Variants in CHST8 observed in about 807,000 individuals in gnomAD.
CHST8 encodes the protein GALNAC-4-ST1.
Under a neutral mutation model 15.0 loss-of-function variants are expected in CHST8, and 10 were observed. That is an observed-to-expected ratio of 0.67 (90% CI 0.41 to 1.13). The LOEUF (loss-of-function observed/expected upper bound fraction) is 1.13, where lower values mean the gene tolerates loss of function less well. Ranked by LOEUF, CHST8 falls within the 50% of genes most tolerant of loss-of-function variation. CHST8 has a pLI of 0.00. For missense variants in CHST8, 634 were observed against 608.2 expected (o/e 1.04, Z -0.45); for synonymous variants, 259 against 256.6 (o/e 1.01, Z -0.09).
At chr19:33,710,372 CT>C (rs1351635215) in intron 3 of CHST8, among the ~76,000 whole-genome samples, 2 of 151,650 alleles carry the variant, frequency 1.3e-5, no homozygotes. Flanking sequence ...TTAGTTTGTC[CT>C]TTTTTCCTCT....
At chr19:33,703,473 A>G (rs1044566117) in intron 3 of CHST8, among the ~76,000 whole-genome samples, 3 of 152,240 alleles carry the variant, frequency 2.0e-5, no homozygotes, top group Non-Finnish European at 4.4e-5. Flanking sequence ...TGAAAAAGTT[A>G]CGGTGGTAGT....
chr19:33,673,507 G>A (rs1972769705), intron 2 of CHST8, among the ~76,000 whole-genome samples: 1 of 152,178 alleles, frequency 6.6e-6, no homozygotes, highest in Non-Finnish European at 1.5e-5. Context: ...CCCACCCCCA[G>A]TTCTGAGGCT....
chr19:33,705,653 GGCA>G (rs1204381860), intron 3 of CHST8, among the ~76,000 whole-genome samples: 1 of 152,140 alleles, frequency 6.6e-6, no homozygotes, highest in South Asian at 2.1e-4. Context: ...TTTCTGACTT[GGCA>G]GCCTGCTTCC....
At chr19:33,708,256 G>A (rs992316185) in intron 3 of CHST8, among the ~76,000 whole-genome samples, 3 of 152,156 alleles carry the variant, frequency 2.0e-5, no homozygotes, top group African/African-American at 7.2e-5. Context: ...AATTCAACAT[G>A]TTTTTCGTTG....
chr19:33,722,426 A>G (rs1259486258), intron 3 of CHST8, among the ~76,000 whole-genome samples: 1 of 152,112 alleles, frequency 6.6e-6, no homozygotes, highest in Non-Finnish European at 1.5e-5. Flanking sequence ...AGGGGAGGCA[A>G]AGATTTGTTG....
At chr19:33,696,710 A>G (rs1653414019) in intron 3 of CHST8, among the ~76,000 whole-genome samples, 1 of 152,096 alleles carries the variant, frequency 6.6e-6, no homozygotes, top group African/African-American at 2.4e-5. Context: ...CCTGGTGCCA[A>G]AAATGTTGGG....
Position 33,629,691 on chromosome 19 carries a change from C to A in CHST8, c.-164+7395C>A, listed in dbSNP as rs190501858. ...CCGAGCTGCAGGCAACAGCCCAGGT[C>A]GCTGTCACCTTGTCCTCACTGTCTG... On this transcript the variant is annotated intron_variant, in intron 1 of 4. Transcript: ENST00000650847. Among the ~76,000 whole-genome samples the A allele has an allele frequency of 2.4e-4, 36 of 152,380 alleles. 1 individual carries two copies. The Middle Eastern group carries it at 0.01, about 43-fold the overall frequency.
intron 3 of CHST8, among the ~76,000 whole-genome samples, chr19:33,713,813 G>A (rs550480955): frequency 6.6e-6 from 1 of 152,124 alleles, no homozygotes; most frequent in African/African-American, 2.4e-5. Context: ...ACCCGCCTTG[G>A]CCTCCTAGTG....
intron 3 of CHST8, among the ~76,000 whole-genome samples, chr19:33,751,741 C>A (rs560838026): frequency 2.0e-5 from 3 of 152,208 alleles, no homozygotes; most frequent in Admixed American, 6.5e-5. Flanking sequence ...TGAGGGTGAC[C>A]CACTTAACCT....
intron 3 of CHST8, among the ~76,000 whole-genome samples, chr19:33,767,460 C>A (rs1483460039): frequency 2.0e-5 from 3 of 152,250 alleles, no homozygotes; most frequent in Non-Finnish European, 4.4e-5. Context: ...GTCTCTGCCT[C>A]TCCTCAATCA....
chr19:33,681,569 G>A (rs1310254109), intron 2 of CHST8, among the ~76,000 whole-genome samples: 2 of 152,196 alleles, frequency 1.3e-5, no homozygotes, highest in Non-Finnish European at 2.9e-5. Flanking sequence ...GGGTGCCCTT[G>A]ACTGAAGCCT....
chr19:33,647,644 G>A (rs897954072), intron 1 of CHST8, among the ~76,000 whole-genome samples: 2 of 151,912 alleles, frequency 1.3e-5, no homozygotes, highest in Non-Finnish European at 2.9e-5. Context: ...ACAGGAGTTC[G>A]AGACCAGCCT....
At chr19:33,719,768 G>A (rs1973745606) in intron 3 of CHST8, among the ~76,000 whole-genome samples, 1 of 151,136 alleles carries the variant, frequency 6.6e-6, no homozygotes, top group South Asian at 2.1e-4. Context: ...AAAATCACAT[G>A]CAGTCGGACC....
At chr19:33,680,588 C>T (rs1357963772) in intron 2 of CHST8, among the ~76,000 whole-genome samples, 1 of 152,182 alleles carries the variant, frequency 6.6e-6, no homozygotes, top group African/African-American at 2.4e-5. Context: ...CATAAAAGAG[C>T]TGGAAATATG....
At chr19:33,682,318 G>A (rs1972904765) in intron 2 of CHST8, among the ~76,000 whole-genome samples, 1 of 151,372 alleles carries the variant, frequency 6.6e-6, no homozygotes, top group South Asian at 2.1e-4. Flanking sequence ...TGGAAAACAG[G>A]CATGCACTAC....
At chr19:33,771,909 G>A in intron 4 of CHST8, 48 bp from the exon 5 acceptor site, 1 of 1,520,336 alleles carries the variant, frequency 6.6e-7, no homozygotes, top group Non-Finnish European at 8.8e-7. Flanking sequence ...GGCCCTCAGT[G>A]CCCAGCTGTC....
At chr19:33,715,095 T>G (rs185924443) in intron 3 of CHST8, among the ~76,000 whole-genome samples, 7 of 152,350 alleles carry the variant, frequency 4.6e-5, no homozygotes, top group African/African-American at 1.7e-4. Flanking sequence ...ATTTGCCCTG[T>G]TGCCCTCCAA....
At chr19:33,762,866 T>C (rs1483935278) in intron 3 of CHST8, among the ~76,000 whole-genome samples, 18 of 144,200 alleles carry the variant, frequency 1.2e-4, no homozygotes, top group Admixed American at 4.9e-4. Flanking sequence ...TTTTCTCTCT[T>C]TTTTTTTTTT....
chr19:33,764,133 C>T (rs1974787066), intron 3 of CHST8, among the ~76,000 whole-genome samples: 1 of 152,216 alleles, frequency 6.6e-6, no homozygotes. Flanking sequence ...CATACCCTTC[C>T]TCATGTCCAA....
Sources: gnomAD v4.1 joint callset for allele counts (sites outside exome capture counted in the v4.1 genomes callset) on GRCh38, gnomAD v4.1.1 for gene constraint, MANE v1.5 for transcripts, NCBI Gene and HGNC (gene_info 2026-07-23, HGNC 2026-07-21) for gene names.